RABGAP1L: variants seen among roughly 807,000 people sequenced by gnomAD.
RABGAP1L encodes the protein RAB GTPase activating protein 1 like, also known as rab GTPase-activating protein 1-like.
In RABGAP1L, 63 loss-of-function variants were observed where a neutral mutation model predicts 137.7. The ratio of observed to expected loss-of-function variants is 0.46; its 90% CI spans 0.37 to 0.56. The LOEUF is 0.56. RABGAP1L is among the 20% of genes least tolerant of loss of function. The probability of loss-of-function intolerance (pLI) is 0.00; values close to 1 mark genes in which losing one functional copy is unlikely to be tolerated. For missense variants in RABGAP1L, 1,095 were observed against 1,244.0 expected, an observed-to-expected ratio of 0.88 and a Z score of 1.80; for synonymous variants, 431 against 433.7, an observed-to-expected ratio of 0.99 and a Z score of 0.08.
rs114297105 is a variant in RABGAP1L, at chr1:174,327,546, C to A, written c.1465+22419C>A. ...AATCAAAACATACTGATAGAGAAAA[C>A]CTCCTACCTGGAAAGGAAGACAGTA... is the stretch of plus-strand genomic sequence containing the variant. On this transcript the variant is annotated intron_variant, in intron 11 of 25. Coordinates refer to ENST00000681986, the MANE Select transcript of RABGAP1L (RefSeq NM_001366446.1). Among the ~76,000 whole-genome samples, 372 of 151,646 alleles carry A rather than the reference C, an allele frequency of 2.5e-3. 1 individual carries two copies. Among genetic ancestry groups the A allele is most frequent in the Middle Eastern group, 0.014 (4 of 294 alleles).
At chr1:174,527,199 A>ATTTTTTTTT (rs200033988) in intron 13 of RABGAP1L, among the ~76,000 whole-genome samples, 2 of 108,274 alleles carry the variant, frequency 1.8e-5, no homozygotes, top group East Asian at 3.2e-4. Context: ...TATGATTTTT[A>ATTTTTTTTT]TTTTGTTTTT....
At chr1:174,856,843 C>G (rs1034936058) in intron 19 of RABGAP1L, among the ~76,000 whole-genome samples, 1 of 151,836 alleles carries the variant, frequency 6.6e-6, no homozygotes, top group Non-Finnish European at 1.5e-5. Context: ...AGGAGAATCA[C>G]TTGAACCTGG....
At position 174,294,655 on chromosome 1, in the gene RABGAP1L, G is replaced by A. The variant is rs1289724055; in HGVS notation, c.1324-10331G>A. Among the ~76,000 whole-genome samples the A allele has an allele frequency of 3.9e-5, 6 of 152,182 alleles. No individual in the cohort carries two copies. The South Asian group carries it at 6.2e-4, about 16-fold the overall frequency. On this transcript the variant is annotated intron_variant, in intron 10 of 25. Transcript: ENST00000681986. ...GAGACTGGTAAATAAAAAGTAAGAA[G>A]GCTATTGTGGCCAAGATAAGAAATG...
chr1:174,172,321 A>G (rs953802079), intron 1 of RABGAP1L, among the ~76,000 whole-genome samples: 4 of 152,248 alleles, frequency 2.6e-5, no homozygotes, highest in African/African-American at 2.4e-5. Flanking sequence ...ATGTGAAAGC[A>G]TATATCTCTA....
intron 13 of RABGAP1L, among the ~76,000 whole-genome samples, chr1:174,520,413 A>G (rs1368194718): frequency 6.6e-6 from 1 of 152,230 alleles, no homozygotes; most frequent in African/African-American, 2.4e-5. Context: ...TGCAGAGTGA[A>G]TTTTAATTAT....
At chr1:174,441,814 A>C in intron 13 of RABGAP1L, among the ~76,000 whole-genome samples, 1 of 152,014 alleles carries the variant, frequency 6.6e-6, no homozygotes, top group Admixed American at 6.6e-5. Flanking sequence ...AAAAAGAAAA[A>C]ACTACTTTGA....
intron 19 of RABGAP1L, among the ~76,000 whole-genome samples, chr1:174,878,062 T>C (rs1653445332): frequency 6.6e-6 from 1 of 152,198 alleles, no homozygotes; most frequent in Non-Finnish European, 1.5e-5. Context: ...TTAGTTTGGC[T>C]TTAATATTTG....
In RABGAP1L at chr1:174,240,607, C is replaced by T. The variant is rs950236637; in HGVS notation, c.543-876C>T. 2.0e-5 allele frequency among the ~76,000 whole-genome samples: 3 copies of T among 152,210 alleles called. No individual in the cohort carries two copies. In the East Asian group the frequency reaches 5.8e-4, roughly 30 times the overall value. On this transcript the variant is annotated intron_variant, in intron 4 of 25. Transcript: ENST00000681986. ...TTATTTGCTTCCAAATCCCAGACTC[C>T]TTTCAGCTTTTGTATTCCGTTGTTG...
In RABGAP1L at chr1:174,231,289, A is replaced by C. The variant is rs751032263; in HGVS notation, c.476A>C (p.Lys159Thr). 10 of 1,614,142 alleles carry C rather than the reference A, an allele frequency of 6.2e-6. No individual in the cohort carries two copies. The highest frequency in any genetic ancestry group is 8.5e-6 in the Non-Finnish European group (10 of 1,180,016). The change falls in exon 4 of 26, where the codon AAA (lysine) becomes ACA (threonine). Residue 159 changes from lysine to threonine, a missense_variant. Physicochemically the swap from Lys to Thr is moderately conservative, Grantham distance 78. Around this residue, in one of 4 missense-constraint regions of RABGAP1L, gnomAD observed 356 missense variants for 326.3 expected, o/e 1.09. Transcript: ENST00000681986. ...VEALRAMATM[K>T]SSSQYPFPVT... is the part of the protein sequence containing the mutation. ...GCTTTACGGGCAATGGCAACCATGAAATCTTCCAGTCAATACCCCTTTCCT... is the reference window on the plus strand; with the variant it reads ...GCTTTACGGGCAATGGCAACCATGACATCTTCCAGTCAATACCCCTTTCCT...
intron 14 of RABGAP1L, among the ~76,000 whole-genome samples, chr1:174,673,259 A>G (rs1366169579): frequency 6.6e-6 from 1 of 152,206 alleles, no homozygotes; most frequent in Non-Finnish European, 1.5e-5. Context: ...TAATGAAGAA[A>G]AGGTCATTTC....
intron 21 of RABGAP1L, 142 bp from the exon 22 acceptor site, chr1:174,975,936 T>A (rs1437925219): frequency 1.5e-6 from 1 of 689,080 alleles, no homozygotes; most frequent in Admixed American, 2.7e-5. Flanking sequence ...CAGCCATCGC[T>A]TGGTTGAGCT....
At chr1:174,234,884 T>G (rs1209357984) in intron 4 of RABGAP1L, among the ~76,000 whole-genome samples, 2 of 140,760 alleles carry the variant, frequency 1.4e-5, no homozygotes, top group Admixed American at 1.4e-4. Flanking sequence ...TGATATTGAT[T>G]CTTCCTACCC....
chr1:174,579,613 G>T (rs1315008763), intron 13 of RABGAP1L, among the ~76,000 whole-genome samples: 3 of 152,326 alleles, frequency 2.0e-5, no homozygotes, highest in Admixed American at 2.0e-4. Flanking sequence ...GATGGAGTAA[G>T]AATTGTTGGT....
intron 11 of RABGAP1L, among the ~76,000 whole-genome samples, chr1:174,329,748 C>G (rs886065740): frequency 1.3e-5 from 2 of 152,052 alleles, no homozygotes; most frequent in East Asian, 1.9e-4. Flanking sequence ...TCAATTGATA[C>G]AGAGAGAGCA....
intron 11 of RABGAP1L, among the ~76,000 whole-genome samples, chr1:174,347,985 G>A (rs1490886664): frequency 6.6e-6 from 1 of 152,072 alleles, no homozygotes; most frequent in Admixed American, 6.5e-5. Flanking sequence ...TTTTATTGGA[G>A]AGTTTAGTCC....
chr1:174,451,824 G>C (rs1265028983), intron 13 of RABGAP1L, among the ~76,000 whole-genome samples: 1 of 152,012 alleles, frequency 6.6e-6, no homozygotes, highest in Admixed American at 6.6e-5. Context: ...AAACTTACCA[G>C]TTTAGTCTAT....
At chr1:174,223,260 T>G (rs1001634360) in intron 3 of RABGAP1L, among the ~76,000 whole-genome samples, 2 of 77,488 alleles carry the variant, frequency 2.6e-5, no homozygotes, top group Admixed American at 3.6e-4. Flanking sequence ...AGTGAGACTC[T>G]GTCTAAAAAA....
intron 4 of RABGAP1L, among the ~76,000 whole-genome samples, chr1:174,232,903 C>T (rs1202198391): frequency 6.6e-6 from 1 of 151,870 alleles, no homozygotes; most frequent in Non-Finnish European, 1.5e-5. Context: ...CCCTCTTCGT[C>T]CTTCCTTCTT....
At chr1:174,872,645 T>C (rs1367477907) in intron 19 of RABGAP1L, among the ~76,000 whole-genome samples, 2 of 152,064 alleles carry the variant, frequency 1.3e-5, no homozygotes, top group Non-Finnish European at 2.9e-5. Flanking sequence ...CACTGTAGCC[T>C]GAACCTCCTG....
Sources: allele counts gnomAD v4.1 joint callset (sites outside exome capture counted in the v4.1 genomes callset), GRCh38; gene constraint gnomAD v4.1.1; regional missense constraint gnomAD v4.1.1; transcripts MANE v1.5; gene names NCBI Gene and HGNC (gene_info 2026-07-23, HGNC 2026-07-21).